COMMD10: variants seen among roughly 807,000 people sequenced by gnomAD.
The protein encoded by COMMD10 is COMM domain containing 10.
In COMMD10, 33 loss-of-function variants were observed where a neutral mutation model predicts 28.9. The ratio of observed to expected loss-of-function variants is 1.14; its 90% CI spans 0.87 to 1.53. COMMD10 has a LOEUF of 1.53. COMMD10 is among the 40% of genes most tolerant of loss of function. The pLI is 0.00. For synonymous variants in COMMD10, 110 were observed against 81.7 expected (o/e 1.35, Z -1.87); for missense variants, 310 against 233.4 (o/e 1.33, Z -2.14).
intron 5 of COMMD10, among the ~76,000 whole-genome samples, chr5:116,167,539 A>G (rs984989700): frequency 1.3e-5 from 2 of 152,174 alleles, no homozygotes; most frequent in Non-Finnish European, 2.9e-5. Context: ...AAGACACATA[A>G]TCATCAGATT....
At chr5:116,136,789 A>G (rs1486481548) in intron 5 of COMMD10, among the ~76,000 whole-genome samples, 1 of 152,202 alleles carries the variant, frequency 6.6e-6, no homozygotes, top group Non-Finnish European at 1.5e-5. Context: ...GATTAATCTT[A>G]TAACTTGCAG....
chr5:116,286,468 A>G (rs1751220994), intron 5 of COMMD10, among the ~76,000 whole-genome samples: 1 of 149,364 alleles, frequency 6.7e-6, no homozygotes, highest in South Asian at 2.1e-4. Flanking sequence ...AAGTTGAGAT[A>G]TATATGTATT....
At chr5:116,241,583 C>CTTA (rs1749812321) in intron 5 of COMMD10, among the ~76,000 whole-genome samples, 1 of 140,448 alleles carries the variant, frequency 7.1e-6, no homozygotes, top group Non-Finnish European at 1.5e-5. Context: ...ACTCTGCTTT[C>CTTA]TTATTTATTT....
chr5:116,276,102 G>T (rs78061300), intron 5 of COMMD10, among the ~76,000 whole-genome samples: 9,072 of 151,222 alleles, frequency 0.06, 348 homozygotes, highest in East Asian at 0.14. Flanking sequence ...TGGATAGGAG[G>T]GGGAGAGGAA....
At chr5:116,154,389 G>A (rs1752637532) in intron 5 of COMMD10, among the ~76,000 whole-genome samples, 1 of 152,120 alleles carries the variant, frequency 6.6e-6, no homozygotes, top group African/African-American at 2.4e-5. Flanking sequence ...TAGCATAAAA[G>A]TTACTTGCAT....
At chr5:116,236,490 G>C (rs182783842) in intron 5 of COMMD10, among the ~76,000 whole-genome samples, 2 of 128,818 alleles carry the variant, frequency 1.6e-5, no homozygotes, top group East Asian at 4.3e-4. Flanking sequence ...GGTGACAAGA[G>C]CAAGACTCCG....
intron 4 of COMMD10, among the ~76,000 whole-genome samples, chr5:116,129,900 TTC>T (rs1487578545): frequency 6.7e-6 from 1 of 149,906 alleles, no homozygotes; most frequent in Non-Finnish European, 1.5e-5. Context: ...TAGTTATCCT[TTC>T]TATATTTTCT....
chr5:116,281,707 C>T (rs1228781815), intron 5 of COMMD10, among the ~76,000 whole-genome samples: 1 of 151,752 alleles, frequency 6.6e-6, no homozygotes, highest in Non-Finnish European at 1.5e-5. Flanking sequence ...AAAAATAAGC[C>T]ATCCAGTTGT....
intron 1 of COMMD10, 24 bp downstream of exon 1, chr5:116,085,117 C>T (rs1188177449): frequency 2.5e-6 from 4 of 1,593,920 alleles, no homozygotes; most frequent in Non-Finnish European, 3.4e-6. Context: ...TAAGCTCTTG[C>T]GGTAGCCGCG....
intron 5 of COMMD10, among the ~76,000 whole-genome samples, chr5:116,275,956 A>ATG (rs1554059911): frequency 5.4e-5 from 8 of 149,212 alleles, no homozygotes; most frequent in South Asian, 2.1e-4. Context: ...TGAAAAAAAA[A>ATG]TGTATATATA....
At chr5:116,209,909 C>T (rs12332658) in intron 5 of COMMD10, among the ~76,000 whole-genome samples, 16,113 of 152,044 alleles carry the variant, frequency 0.11, 960 homozygotes, top group African/African-American at 0.15. Flanking sequence ...TAATACTACA[C>T]ACTGGGTAAA....
chr5:116,220,182 CATCCAAAA>C (rs1452568204), intron 5 of COMMD10, among the ~76,000 whole-genome samples: 14 of 152,122 alleles, frequency 9.2e-5, no homozygotes, highest in Non-Finnish European at 2.9e-5. Context: ...CATAACAGTA[CATCCAAAA>C]ATTGTTTGTA....
At chr5:116,086,573 C>G (rs1163389573) in intron 1 of COMMD10, among the ~76,000 whole-genome samples, 1 of 152,168 alleles carries the variant, frequency 6.6e-6, no homozygotes, top group African/African-American at 2.4e-5. Flanking sequence ...ATTCTCCTCC[C>G]TGAGCCTCCT....
At chr5:116,227,448 T>A (rs1349703143) in intron 5 of COMMD10, among the ~76,000 whole-genome samples, 2 of 152,088 alleles carry the variant, frequency 1.3e-5, no homozygotes, top group African/African-American at 2.4e-5. Flanking sequence ...TCCCATTTTC[T>A]CTACATCTTT....
intron 5 of COMMD10, among the ~76,000 whole-genome samples, chr5:116,200,052 A>G (rs1341367584): frequency 1.3e-5 from 2 of 152,140 alleles, no homozygotes; most frequent in East Asian, 1.9e-4. Flanking sequence ...CAGGCATACA[A>G]TGTGTAATAA....
chr5:116,198,708 T>C (rs1222908516), intron 5 of COMMD10, among the ~76,000 whole-genome samples: 1 of 152,176 alleles, frequency 6.6e-6, no homozygotes, highest in Non-Finnish European at 1.5e-5. Context: ...CCTGGAATCA[T>C]ACAGTATGAA....
At chr5:116,129,717 A>C (rs1341552742) in intron 4 of COMMD10, among the ~76,000 whole-genome samples, 1 of 73,862 alleles carries the variant, frequency 1.4e-5, no homozygotes, top group Non-Finnish European at 2.7e-5. Context: ...TAGTGTATAT[A>C]TATACTATAT....
intron 4 of COMMD10, among the ~76,000 whole-genome samples, chr5:116,113,730 G>A (rs1037052878): frequency 2.0e-5 from 3 of 151,798 alleles, no homozygotes; most frequent in African/African-American, 4.8e-5. Flanking sequence ...GATTTCTCTT[G>A]TATCTCATTG....
intron 4 of COMMD10, among the ~76,000 whole-genome samples, chr5:116,094,421 T>G (rs1444893492): frequency 6.6e-6 from 1 of 152,140 alleles, no homozygotes; most frequent in African/African-American, 2.4e-5. Context: ...AAAAAATGCT[T>G]AAAATCACTA....
Sources: gnomAD v4.1 joint callset for allele counts (sites outside exome capture counted in the v4.1 genomes callset) on GRCh38, gnomAD v4.1.1 for gene constraint, MANE v1.5 for transcripts, NCBI Gene and HGNC (gene_info 2026-07-23, HGNC 2026-07-21) for gene names.